Variants in METTL3 observed in about 807,000 individuals in gnomAD.
METTL3 encodes the protein N(6)-adenosine-methyltransferase catalytic subunit METTL3.
Under a neutral mutation model 64.3 loss-of-function variants are expected in METTL3, and 42 were observed. The ratio of observed to expected loss-of-function variants is 0.65; its 90% confidence interval spans 0.51 to 0.84. METTL3 has a LOEUF of 0.84. Among genes scored for constraint, METTL3 ranks in the 40% least tolerant of loss-of-function variants. The pLI is 0.00. For missense variants in METTL3, 435 were observed against 722.3 expected, an observed-to-expected ratio of 0.60 and a Z score of 4.56; for synonymous variants, 256 against 263.6, an observed-to-expected ratio of 0.97 and a Z score of 0.28.
At chr14:21,510,877 G>T in intron 1 of METTL3, 2 of 483,212 alleles carry the variant, frequency 4.1e-6, no homozygotes, top group South Asian at 4.8e-5. Flanking sequence ...CAAGGCGGAC[G>T]AGGGTGGGGC....
intron 1 of METTL3, among the ~76,000 whole-genome samples, chr14:21,507,188 T>A (rs749719147): frequency 6.0e-5 from 9 of 150,242 alleles, no homozygotes; most frequent in African/African-American, 7.5e-5. Context: ...TCTCAAAAAA[T>A]AAATAAATAA....
chr14:21,500,640 C>T lies in METTL3; in HGVS notation c.1159G>A (p.Gly387Ser). ...TCAGCCATCACAACTGCAAACTTGC[C>T]CAAGATACTGACGTCCAGGTAGCGG... is the stretch of plus-strand genomic sequence containing the variant. The part of the protein sequence containing the change: ...DIRYLDVSIL[G>S]KFAVVMADPP... Residue 387 changes from glycine to serine, a missense_variant, in exon 6 of 11, where the codon GGC (glycine) becomes AGC (serine). Gly to Ser is a moderately conservative substitution (Grantham distance 56). Around this residue, in one of 9 missense-constraint regions of METTL3, gnomAD observed 67 missense variants for 71.5 expected, o/e 0.94. Transcript: ENST00000298717. 1 of 1,614,036 alleles carries T rather than the reference C, an allele frequency of 6.2e-7. No individual in the cohort carries two copies. Among genetic ancestry groups the T allele is most frequent in the South Asian group, 1.1e-5 (1 of 91,070 alleles).
At position 21,503,898 on chromosome 14, in the gene METTL3, GTGAAAA is replaced by G; in HGVS notation, c.101-23_101-18del. The G allele has an allele frequency of 6.2e-7, 1 of 1,607,836 alleles. No homozygotes were observed. The highest frequency in any genetic ancestry group is 8.5e-7 in the Non-Finnish European group (1 of 1,177,156). On this transcript the variant is annotated intron_variant, in intron 1 of 10. Coordinates refer to ENST00000298717, the MANE Select transcript of METTL3 (RefSeq NM_019852.5). ...TCCGTAGATCTAAGAATGAAGAGAA[GTGAAAA>G]TGAAAAAAGGCAACCACTGTTGGTC... is the stretch of plus-strand genomic sequence containing the variant.
chr14:21,498,385 A>G lies in METTL3; in HGVS notation c.1632-16T>C. The G allele has an allele frequency of 6.2e-7, 1 of 1,612,836 alleles. No individual in the cohort carries two copies. Among genetic ancestry groups the G allele is most frequent in the African/African-American group, 1.3e-5 (1 of 74,990 alleles). ...AAGGGTGATCCTGAAACAGTGTAAA[A>G]GGAGGGGCAAACCAGAAATCCTGGA... On this transcript the variant is annotated splice_polypyrimidine_tract_variant and intron_variant, in intron 10 of 10. Transcript: ENST00000298717.
At chr14:21,502,011 A>AATT in intron 3 of METTL3, 108 bp from the exon 4 acceptor site, 13 of 725,534 alleles carry the variant, frequency 1.8e-5, no homozygotes, top group Non-Finnish European at 2.6e-5. Context: ...AGATAAATCA[A>AATT]CTTTTTTTTT....
Position 21,500,555 on chromosome 14 carries a change from C to T in METTL3, c.1244G>A (p.Arg415His), listed in dbSNP as rs150964173. 1.7e-5 allele frequency: 27 copies of T among 1,613,906 alleles called. No homozygotes were observed. The highest frequency in any genetic ancestry group is 2.2e-5 in the East Asian group (1 of 44,884). ...PYGTLTDDEMRRLNIPVLQDD... is the reference protein window; with the variant it reads ...PYGTLTDDEMHRLNIPVLQDD... ...CTGTAGTACGGGTATGTTGAGCCTG[C>T]GCATCTCATCATCTGTCAGGGTCCC... The change falls in exon 6 of 11, where the codon CGC becomes CAC. Residue 415 changes from arginine to histidine, a missense_variant. By Grantham distance (29) the Arg-to-His change is conservative. Coordinates refer to ENST00000298717, the MANE Select transcript of METTL3 (RefSeq NM_019852.5).
At chr14:21,503,978 T>G (rs1891636515) in intron 1 of METTL3, 97 bp from the exon 2 acceptor site, 3 of 1,133,004 alleles carry the variant, frequency 2.6e-6, no homozygotes, top group African/African-American at 1.6e-5. Flanking sequence ...TACACAGATC[T>G]TTCATTTTGT....
At position 21,511,172 on chromosome 14, in the gene METTL3, G is replaced by A. The variant is rs1891828060; in HGVS notation, c.52C>T (p.Leu18=). 1.2e-6 allele frequency: 2 copies of A among 1,614,138 alleles called. No individual in the cohort carries two copies. Among genetic ancestry groups the A allele is most frequent in the African/African-American group, 2.7e-5 (2 of 75,042 alleles). The part of the protein sequence containing the change: ...IQAHKKQLDS[L]RERLQRRRKQ... ...CGCCTCCGCTGCAGCCTCTCCCGCA[G>A]AGAGTCCAGCTGCTTCTTGTGGGCC... The change falls in exon 1 of 11, where the codon CTG becomes TTG. Residue 18 remains leucine (L), a synonymous_variant. Transcript: ENST00000298717.
chr14:21,501,694 C>G (rs1471441662), intron 4 of METTL3, 34 bp downstream of exon 4: 4 of 1,614,016 alleles, frequency 2.5e-6, no homozygotes. Context: ...CTGCTTCTGA[C>G]AAACCCATCC....
chr14:21,499,752 A>G lies in METTL3; in HGVS notation c.1343+12T>C. 6.2e-7 allele frequency: 1 copy of G among 1,612,206 alleles called. No individual in the cohort carries two copies. The highest frequency in any genetic ancestry group is 8.5e-7 in the Non-Finnish European group (1 of 1,178,378). ...ATTACCCTCAAAAGAAAGCAACACA[A>G]CCACTACTTACCCCCAGAGGTTTAG... On this transcript the variant is annotated intron_variant, in intron 7 of 10. Transcript: ENST00000298717.
At chr14:21,499,253 A>AT in intron 9 of METTL3, 53 bp downstream of exon 9, 1 of 1,607,994 alleles carries the variant, frequency 6.2e-7, no homozygotes, top group South Asian at 1.1e-5. Flanking sequence ...CCCAACATGA[A>AT]TAACTGATAC....
chr14:21,499,507 C>G lies in METTL3; in HGVS notation c.1437G>C (p.Gly479=). ...TGCTGCTCACCAAGCAGTGTTCCTT[C>G]CCATGGTTCAACCAGTGACCTGTAC... ...TGRTGHWLNH[G]KEHCLVGVKG... Residue 479 remains glycine (G), a synonymous_variant, in exon 8 of 11, where the codon GGG becomes GGC. Coordinates refer to ENST00000298717, the MANE Select transcript of METTL3 (RefSeq NM_019852.5). 6.2e-7 allele frequency: 1 copy of G among 1,614,044 alleles called. No homozygotes were observed. Among genetic ancestry groups the G allele is most frequent in the Non-Finnish European group, 8.5e-7 (1 of 1,179,872 alleles).
At chr14:21,504,085 C>T in intron 1 of METTL3, 1 of 567,592 alleles carries the variant, frequency 1.8e-6, no homozygotes, top group South Asian at 2.1e-5. Flanking sequence ...GATTTTCTAT[C>T]TACCTTTTCT....
At chr14:21,500,419 C>A in intron 6 of METTL3, 76 bp downstream of exon 6, 1 of 1,474,532 alleles carries the variant, frequency 6.8e-7, no homozygotes, top group Non-Finnish European at 9.4e-7. Flanking sequence ...GCTAGGAAAA[C>A]CCAGGATTTT....
rs1437204547 is a variant in METTL3 at position 21,511,271 on chromosome 14, G to A, written c.-48C>T. The A allele has an allele frequency of 6.3e-7, 1 of 1,580,950 alleles. No individual in the cohort carries two copies. On this transcript the variant is annotated 5_prime_UTR_variant, in exon 1 of 11. Coordinates refer to ENST00000298717, the MANE Select transcript of METTL3 (RefSeq NM_019852.5). ...CTCTCGAATAAGGCGCGGCGGACTAGCACCTCCCAGCACTCGCTCCAGGAT... is the reference window on the plus strand; with the variant it reads ...CTCTCGAATAAGGCGCGGCGGACTAACACCTCCCAGCACTCGCTCCAGGAT...
intron 6 of METTL3, 62 bp from the exon 7 acceptor site, chr14:21,499,864 G>A: frequency 1.3e-6 from 2 of 1,506,428 alleles, no homozygotes; most frequent in Non-Finnish European, 9.2e-7. Flanking sequence ...TTCAAAATAT[G>A]TGATGTGTTA....
At chr14:21,498,781 TC>T in intron 10 of METTL3, 1 of 510,260 alleles carries the variant, frequency 2.0e-6, no homozygotes, top group South Asian at 2.5e-5. Flanking sequence ...CTGAGGAAGA[TC>T]CTTGGGTTGT....
intron 3 of METTL3, among the ~76,000 whole-genome samples, chr14:21,502,196 T>TA (rs1045153194): frequency 1.1e-4 from 17 of 152,180 alleles, no homozygotes; most frequent in African/African-American, 4.1e-4. Flanking sequence ...ATGTTTTAAT[T>TA]ACTTTACTTT....
At position 21,499,802 on chromosome 14, in the gene METTL3, C is replaced by T. The variant is rs201264595; in HGVS notation, c.1305G>A (p.Arg435=). The T allele has an allele frequency of 7.0e-5, 113 of 1,612,914 alleles. No homozygotes were observed. Among genetic ancestry groups the T allele is most frequent in the Middle Eastern group, 1.7e-4 (1 of 6,058 alleles). The change falls in exon 7 of 11, where the codon AGG becomes AGA. Residue 435 remains arginine, a splice_region_variant and synonymous_variant. Coordinates refer to ENST00000298717, the MANE Select transcript of METTL3 (RefSeq NM_019852.5). ...GACATTCTCTCCCCAACTCCATGGC[C>T]CTAGAAAGAAATGAGTTAAACAACT... ...DGFLFLWVTG[R]AMELGRECLN... is the part of the protein sequence containing the mutation.
Sources: gnomAD v4.1 joint callset for allele counts (sites outside exome capture counted in the v4.1 genomes callset) on GRCh38, gnomAD v4.1.1 for gene constraint, gnomAD v4.1.1 regional missense constraint, MANE v1.5 for transcripts, NCBI Gene and HGNC (gene_info 2026-07-23, HGNC 2026-07-21) for gene names.